FHIP1A: variants seen among roughly 807,000 people sequenced by gnomAD.
The protein encoded by FHIP1A is FHF complex subunit HOOK-interacting protein 1A.
A neutral mutation model predicts 88.6 loss-of-function variants in FHIP1A; 61 were observed. The ratio of observed to expected loss-of-function variants is 0.69; its 90% confidence interval spans 0.56 to 0.85. The LOEUF (loss-of-function observed/expected upper bound fraction) is 0.85, where lower values mean the gene tolerates loss of function less well. Ranked by LOEUF, FHIP1A falls within the 40% of genes least tolerant of loss-of-function variation. FHIP1A has a pLI of 0.00. For synonymous variants in FHIP1A, 478 were observed against 496.0 expected (o/e 0.96, Z 0.48); for missense variants, 1,154 against 1,273.5 (o/e 0.91, Z 1.43).
chr4:151,609,946 C>A (rs1262974116), intron 7 of FHIP1A, among the ~76,000 whole-genome samples: 2 of 152,032 alleles, frequency 1.3e-5, no homozygotes, highest in African/African-American at 2.4e-5. Context: ...AGTAAGTAAA[C>A]TTAAAATAGA....
intron 3 of FHIP1A, among the ~76,000 whole-genome samples, chr4:151,563,815 C>A (rs1346744555): frequency 1.3e-5 from 2 of 151,920 alleles, no homozygotes; most frequent in South Asian, 4.2e-4. Context: ...CATAGGGAGA[C>A]CCTGTCTGTA....
chr4:151,497,928 C>A (rs1349621797), intron 3 of FHIP1A, among the ~76,000 whole-genome samples: 2 of 152,144 alleles, frequency 1.3e-5, no homozygotes, highest in Non-Finnish European at 2.9e-5. Flanking sequence ...GATATCAGAT[C>A]AAATTCTGCA....
chr4:151,646,810 T>C, intron 10 of FHIP1A, 62 bp downstream of exon 10: 1 of 1,161,260 alleles, frequency 8.6e-7, no homozygotes, highest in South Asian at 1.4e-5. Flanking sequence ...CGCCTTGGGA[T>C]ATGTGTCCCT....
In FHIP1A at chr4:151,662,717, A is replaced by G; in HGVS notation, c.3086A>G (p.Tyr1029Cys). Residue 1029 changes from tyrosine to cysteine, a missense_variant, in exon 14 of 14, where the codon TAC becomes TGC. Coordinates refer to ENST00000435205, the MANE Select transcript of FHIP1A (RefSeq NM_001109977.3). ...GCCCAGGAACACTCCATTCTGTGCT[A>G]CAAGATCTTGGGTGACTTTGAGGAC... is the stretch of plus-strand genomic sequence containing the variant. ...ALAQEHSILC[Y>C]KILGDFEDSC... 1.9e-6 allele frequency: 3 copies of G among 1,544,108 alleles called. No individual in the cohort carries two copies. The highest frequency in any genetic ancestry group is 1.7e-6 in the Non-Finnish European group (2 of 1,145,246).
At chr4:151,498,353 G>A (rs1364920926) in intron 3 of FHIP1A, among the ~76,000 whole-genome samples, 1 of 152,180 alleles carries the variant, frequency 6.6e-6, no homozygotes, top group African/African-American at 2.4e-5. Flanking sequence ...TGTTAGGGAA[G>A]GGGAACTGAC....
At chr4:151,535,503 T>C (rs1431428453) in intron 3 of FHIP1A, among the ~76,000 whole-genome samples, 1 of 152,256 alleles carries the variant, frequency 6.6e-6, no homozygotes, top group Non-Finnish European at 1.5e-5. Flanking sequence ...AGTTATGTCC[T>C]TCTGGAATTT....
chr4:151,472,313 G>A (rs976347040), intron 2 of FHIP1A, among the ~76,000 whole-genome samples: 1 of 149,716 alleles, frequency 6.7e-6, no homozygotes, highest in African/African-American at 2.5e-5. Flanking sequence ...TTTTTTTTTT[G>A]TACTTTAAAA....
chr4:151,582,669 A>G, intron 5 of FHIP1A, among the ~76,000 whole-genome samples: 1 of 152,162 alleles, frequency 6.6e-6, no homozygotes, highest in East Asian at 1.9e-4. Context: ...GAGATTCTTG[A>G]GGGAAAATAA....
rs1737245531 is a variant in FHIP1A at position 151,656,491 on chromosome 4, T to G, written c.2730+81T>G. The G allele has an allele frequency of 5.0e-6, 7 of 1,390,268 alleles. No individual in the cohort carries two copies. The highest frequency in any genetic ancestry group is 6.8e-6 in the Non-Finnish European group (7 of 1,022,652). 86.1% of individuals were successfully genotyped at this position (1,390,268 alleles called of 1,614,324 possible). ...GGGCATCTATTTCTCTTTATTTTGT[T>G]TTTCAAAAATTCCTTTGCTCTAATT... On this transcript the variant is annotated intron_variant, in intron 12 of 13. Coordinates refer to ENST00000435205, the MANE Select transcript of FHIP1A (RefSeq NM_001109977.3). This position sits in a 1 kb window ranked among gnomAD's most constrained non-coding sequence, Gnocchi z 4.2.
intron 7 of FHIP1A, among the ~76,000 whole-genome samples, chr4:151,617,967 C>G (rs1462946116): frequency 6.6e-6 from 1 of 152,190 alleles, no homozygotes; most frequent in Non-Finnish European, 1.5e-5. Flanking sequence ...GAAGCATATG[C>G]TGACTTCTCT....
At chr4:151,608,031 C>CTT (rs1735144208) in intron 7 of FHIP1A, among the ~76,000 whole-genome samples, 1 of 110,528 alleles carries the variant, frequency 9.0e-6, no homozygotes, top group Non-Finnish European at 1.9e-5. Flanking sequence ...CTTTTTCTTT[C>CTT]TTCTTCTTTT....
intron 3 of FHIP1A, among the ~76,000 whole-genome samples, chr4:151,548,457 T>C (rs1351353872): frequency 6.6e-6 from 1 of 152,134 alleles, no homozygotes; most frequent in Non-Finnish European, 1.5e-5. Flanking sequence ...GCACAAGTTA[T>C]AGGTCATAAA....
intron 7 of FHIP1A, among the ~76,000 whole-genome samples, chr4:151,606,549 T>C (rs1386043476): frequency 6.6e-6 from 1 of 152,208 alleles, no homozygotes; most frequent in Non-Finnish European, 1.5e-5. Context: ...ATCTCTGGGG[T>C]GAACCAAACT....
At chr4:151,422,240 A>T (rs1733200522) in intron 1 of FHIP1A, among the ~76,000 whole-genome samples, 2 of 146,788 alleles carry the variant, frequency 1.4e-5, no homozygotes, top group Non-Finnish European at 3.0e-5. Flanking sequence ...TATATATATT[A>T]ACTCTTTCCC....
At position 151,650,458 on chromosome 4, in the gene FHIP1A, A is replaced by G. The variant is rs766363756; in HGVS notation, c.2417A>G (p.Asp806Gly). The change falls in exon 11 of 14, where the codon GAT becomes GGT. Residue 806 changes from aspartate to glycine, a missense_variant. Physicochemically the swap from Asp to Gly is moderately conservative, Grantham distance 94. Coordinates refer to ENST00000435205, the MANE Select transcript of FHIP1A (RefSeq NM_001109977.3). ...AAGGAGGGGAAGAAGGAGCTAGAAG[A>G]TGAGGAGGATGACTTTGACTCTTTT... ...KEKEGKKELE[D>G]EEDDFDSFIA... 1.5e-4 allele frequency: 228 copies of G among 1,551,520 alleles called. 1 individual carries two copies. Among genetic ancestry groups the G allele is most frequent in the Non-Finnish European group, 1.7e-4 (199 of 1,146,982 alleles).
chr4:151,471,694 T>A (rs988651302), intron 2 of FHIP1A, among the ~76,000 whole-genome samples: 2 of 152,090 alleles, frequency 1.3e-5, no homozygotes, highest in Non-Finnish European at 2.9e-5. Context: ...TGGTGATTTG[T>A]GAGATTTTGG....
At chr4:151,567,094 C>T (rs1249972090) in intron 4 of FHIP1A, among the ~76,000 whole-genome samples, 1 of 152,082 alleles carries the variant, frequency 6.6e-6, no homozygotes, top group African/African-American at 2.4e-5. Flanking sequence ...TTTACTTTGA[C>T]TTCTCTGATC....
At chr4:151,562,350 A>G (rs912755203) in intron 3 of FHIP1A, among the ~76,000 whole-genome samples, 1 of 152,240 alleles carries the variant, frequency 6.6e-6, no homozygotes, top group East Asian at 1.9e-4. Context: ...TTGGAAACTC[A>G]CTGTGAAAGA....
intron 1 of FHIP1A, among the ~76,000 whole-genome samples, chr4:151,443,685 CTGTGTGTGTGTG>C (rs57147339): frequency 2.5e-5 from 3 of 122,104 alleles, no homozygotes; most frequent in Admixed American, 8.4e-5. Flanking sequence ...ATGAAGCACT[CTGTGTGTGTGTG>C]TGTGTGTGTG....
Sources: allele counts gnomAD v4.1 joint callset (sites outside exome capture counted in the v4.1 genomes callset), GRCh38; gene constraint gnomAD v4.1.1; non-coding constraint Gnocchi (gnomAD v3.1); transcripts MANE v1.5; gene names NCBI Gene and HGNC (gene_info 2026-07-23, HGNC 2026-07-21).